The following CUL1 variants were observed in gnomAD, a reference collection of about 807,000 sequenced individuals.
CUL1 encodes the protein cullin 1, also known as cullin-1.
CUL1 carries 24 observed loss-of-function variants against 118.0 expected under a neutral mutation model. That is an observed-to-expected ratio of 0.20 (90% CI 0.15 to 0.29). CUL1 has a LOEUF of 0.29. Among genes scored for constraint, CUL1 ranks in the 10% least tolerant of loss-of-function variants. The pLI, the probability that CUL1 is intolerant of heterozygous loss-of-function variation, is 1.00. For synonymous variants in CUL1, 332 were observed against 340.4 expected, an observed-to-expected ratio of 0.98 and a Z score of 0.27; for missense variants, 361 against 933.8, an observed-to-expected ratio of 0.39 and a Z score of 7.99.
At chr7:148,718,900 G>A (rs750916450) in intron 1 of CUL1, among the ~76,000 whole-genome samples, 4 of 152,152 alleles carry the variant, frequency 2.6e-5, no homozygotes, top group Non-Finnish European at 5.9e-5. Context: ...CTTGGAATTC[G>A]TTATTTGAGA....
At chr7:148,721,682 C>G (rs1374996036) in intron 1 of CUL1, among the ~76,000 whole-genome samples, 1 of 152,078 alleles carries the variant, frequency 6.6e-6, no homozygotes, top group Non-Finnish European at 1.5e-5. Context: ...TAAAATTAAT[C>G]TTAGATATAA....
At chr7:148,789,293 T>C (rs986639271) in intron 14 of CUL1, among the ~76,000 whole-genome samples, 1 of 152,240 alleles carries the variant, frequency 6.6e-6, no homozygotes, top group Non-Finnish European at 1.5e-5. Context: ...ATTACTGTTA[T>C]AATTTATAGA....
chr7:148,767,170 T>A (rs1342801745), intron 8 of CUL1, among the ~76,000 whole-genome samples: 1 of 152,226 alleles, frequency 6.6e-6, no homozygotes, highest in Non-Finnish European at 1.5e-5. Flanking sequence ...GGGAGACCTT[T>A]TCTCAACTCA....
intron 7 of CUL1, among the ~76,000 whole-genome samples, chr7:148,766,250 C>T (rs774093590): frequency 6.6e-6 from 1 of 152,182 alleles, no homozygotes; most frequent in Non-Finnish European, 1.5e-5. Context: ...CCCGCCTCAG[C>T]CTCCTGAGTA....
chr7:148,763,788 A>G (rs769080711), intron 7 of CUL1, among the ~76,000 whole-genome samples: 9 of 152,198 alleles, frequency 5.9e-5, no homozygotes, highest in African/African-American at 1.9e-4. Flanking sequence ...TTAGGGAGCA[A>G]TTGTGTTTAC....
intron 17 of CUL1, among the ~76,000 whole-genome samples, chr7:148,795,965 T>A (rs554827800): frequency 3.0e-4 from 46 of 152,272 alleles, no homozygotes; most frequent in Non-Finnish European, 4.7e-4. Flanking sequence ...TTTGGCTGCC[T>A]TTTATTTCTT....
chr7:148,718,997 TTAAG>T (rs1360454018), intron 1 of CUL1, among the ~76,000 whole-genome samples: 1 of 152,148 alleles, frequency 6.6e-6, no homozygotes, highest in East Asian at 1.9e-4. Context: ...TAGAATGGCT[TTAAG>T]TAAGTAGAGA....
At chr7:148,757,817 G>A (rs563520248) in intron 4 of CUL1, among the ~76,000 whole-genome samples, 29 of 152,308 alleles carry the variant, frequency 1.9e-4, no homozygotes, top group African/African-American at 7.0e-4. Context: ...CGGCAGGCAA[G>A]ACAGAATGAG....
chr7:148,783,403 C>T lies in CUL1; in HGVS notation c.1084-380C>T, dbSNP rs907904371. On this transcript the variant is annotated intron_variant, in intron 9 of 21. Transcript: ENST00000325222. ...CAGCCGGGCTGATGACCGACCTCGG[C>T]GGCTAAACGCCTTCTCCAGCTGAAA... 1.8e-4 allele frequency: 181 copies of T among 985,372 alleles called. 1 individual carries two copies. Among genetic ancestry groups the T allele is most frequent in the Non-Finnish European group, 2.1e-4 (173 of 829,946 alleles). 61.0% of individuals were successfully genotyped at this position (985,372 alleles called of 1,614,324 possible). A position where few individuals can be genotyped will look rare whatever the true frequency, so the allele number is the denominator to read the frequency against.
intron 7 of CUL1, among the ~76,000 whole-genome samples, chr7:148,765,190 T>A (rs996004410): frequency 4.6e-5 from 7 of 152,236 alleles, no homozygotes; most frequent in South Asian, 2.1e-4. Flanking sequence ...CTGACTTACG[T>A]GGTTTAAACA....
intron 11 of CUL1, among the ~76,000 whole-genome samples, chr7:148,784,558 C>T (rs1409765481): frequency 1.3e-5 from 2 of 152,072 alleles, no homozygotes; most frequent in Non-Finnish European, 2.9e-5. Context: ...TTCTCCTCTG[C>T]GTGTGTTTTT....
intron 3 of CUL1, among the ~76,000 whole-genome samples, chr7:148,755,650 A>C (rs1473762782): frequency 6.6e-6 from 1 of 152,220 alleles, no homozygotes; most frequent in African/African-American, 2.4e-5. Context: ...GAAACAGTAT[A>C]TTGTGCTAAG....
At chr7:148,792,846 A>C in intron 17 of CUL1, 28 bp downstream of exon 17, 1 of 1,530,038 alleles carries the variant, frequency 6.5e-7, no homozygotes, top group Non-Finnish European at 9.0e-7. Flanking sequence ...TCGTTGTTCT[A>C]TCAGCTTGCC....
chr7:148,793,379 A>G (rs1447033922), intron 17 of CUL1, among the ~76,000 whole-genome samples: 1 of 152,218 alleles, frequency 6.6e-6, no homozygotes, highest in Non-Finnish European at 1.5e-5. Context: ...TATATTCACA[A>G]GCTTATAGAA....
In CUL1 at chr7:148,784,017, A is replaced by T; in HGVS notation, c.1238A>T (p.Gln413Leu). Reference sequence around the variant, plus strand: ...AACAACGCGGTTACCAAGATGGCCCAATCATCCAGTAAATCCCCTGAGTTG... The same window carrying T: ...AACAACGCGGTTACCAAGATGGCCCTATCATCCAGTAAATCCCCTGAGTTG... ...INNNAVTKMAQSSSKSPELLA... is the reference protein window; with the variant it reads ...INNNAVTKMALSSSKSPELLA... Residue 413 changes from glutamine to leucine, a missense_variant, in exon 11 of 22, where the codon CAA becomes CTA. By Grantham distance (113) the Gln-to-Leu change is moderately radical. This residue lies in a region of CUL1 where 169 missense variants were observed against 429.7 expected (regional missense o/e 0.39). Coordinates refer to ENST00000325222, the MANE Select transcript of CUL1 (RefSeq NM_003592.3). The T allele has an allele frequency of 6.2e-7, 1 of 1,614,212 alleles. No homozygotes were observed.
At chr7:148,767,986 T>C (rs1378161576) in intron 9 of CUL1, among the ~76,000 whole-genome samples, 3 of 152,208 alleles carry the variant, frequency 2.0e-5, no homozygotes, top group Non-Finnish European at 4.4e-5. Context: ...TTTTTTCCTT[T>C]TATGCCTTCT....
intron 4 of CUL1, among the ~76,000 whole-genome samples, 180 bp downstream of exon 4, chr7:148,757,330 A>G (rs1214817199): frequency 6.6e-6 from 1 of 152,218 alleles, no homozygotes; most frequent in Non-Finnish European, 1.5e-5. Flanking sequence ...AAGTAGAAGA[A>G]TGGGTAAATT....
At chr7:148,789,025 C>G (rs913534696) in intron 14 of CUL1, among the ~76,000 whole-genome samples, 1 of 152,112 alleles carries the variant, frequency 6.6e-6, no homozygotes, top group African/African-American at 2.4e-5. Context: ...AGCTAAAGAC[C>G]TGTGGCTTCA....
At chr7:148,765,915 T>TA (rs1203204760) in intron 7 of CUL1, among the ~76,000 whole-genome samples, 4 of 152,184 alleles carry the variant, frequency 2.6e-5, no homozygotes, top group Non-Finnish European at 1.5e-5. Context: ...ATTCATTTCT[T>TA]AGAGTGGCAG....
Sources: gnomAD v4.1 joint callset for allele counts (sites outside exome capture counted in the v4.1 genomes callset) on GRCh38, gnomAD v4.1.1 for gene constraint, gnomAD v4.1.1 regional missense constraint, MANE v1.5 for transcripts, NCBI Gene and HGNC (gene_info 2026-07-23, HGNC 2026-07-21) for gene names.